The following ADARB1 variants were observed in gnomAD, a reference collection of about 807,000 sequenced individuals.
ADARB1 encodes adenosine deaminase RNA specific B1.
In ADARB1, 10 loss-of-function variants were observed where a neutral mutation model predicts 52.4. That is an observed-to-expected ratio of 0.19 (90% CI 0.12 to 0.32). The LOEUF (loss-of-function observed/expected upper bound fraction) is 0.32, where lower values mean the gene tolerates loss of function less well. Ranked by LOEUF, ADARB1 falls within the 10% of genes least tolerant of loss-of-function variation. ADARB1 has a pLI of 1.00. For missense variants in ADARB1, 643 were observed against 922.3 expected (o/e 0.70, Z 3.92); for synonymous variants, 349 against 371.1 (o/e 0.94, Z 0.68).
At chr21:45,106,900 A>G (rs2087284923) in intron 1 of ADARB1, among the ~76,000 whole-genome samples, 1 of 152,218 alleles carries the variant, frequency 6.6e-6, no homozygotes, top group Non-Finnish European at 1.5e-5. Flanking sequence ...TTCATTAGTC[A>G]ATATGGAGGA....
chr21:45,137,519 A>G (rs1432322850), intron 2 of ADARB1, among the ~76,000 whole-genome samples: 1 of 152,152 alleles, frequency 6.6e-6, no homozygotes, highest in Non-Finnish European at 1.5e-5. Flanking sequence ...TTAGTGACCA[A>G]CAGTCCCCTG....
chr21:45,154,792 G>A (rs972513122), intron 2 of ADARB1, among the ~76,000 whole-genome samples: 22 of 152,192 alleles, frequency 1.4e-4, no homozygotes, highest in Non-Finnish European at 2.9e-5. Context: ...AGCAGACACT[G>A]CCACCCTGGC....
intron 4 of ADARB1, among the ~76,000 whole-genome samples, chr21:45,178,544 C>T (rs1339054053): frequency 6.6e-6 from 1 of 152,188 alleles, no homozygotes; most frequent in Non-Finnish European, 1.5e-5. Flanking sequence ...ACCCGGGTGG[C>T]CCTCCCAGAA....
At chr21:45,111,145 A>G (rs539998309) in intron 1 of ADARB1, among the ~76,000 whole-genome samples, 25 of 152,298 alleles carry the variant, frequency 1.6e-4, no homozygotes, top group African/African-American at 6.0e-4. Context: ...AGGCCAGCAC[A>G]CGGAGCGCTG....
intron 1 of ADARB1, among the ~76,000 whole-genome samples, chr21:45,126,598 G>T (rs1311528075): frequency 6.6e-6 from 1 of 152,180 alleles, no homozygotes; most frequent in Non-Finnish European, 1.5e-5. Flanking sequence ...CCTGGAAGGG[G>T]CTGAGTCACT....
chr21:45,115,901 T>C (rs773444993), intron 1 of ADARB1, among the ~76,000 whole-genome samples: 10 of 152,208 alleles, frequency 6.6e-5, no homozygotes, highest in Non-Finnish European at 1.2e-4. Context: ...TAGGGATGCT[T>C]GCTCATCTTT....
chr21:45,212,044 A>G lies in ADARB1; in HGVS notation c.1747+7308A>G, dbSNP rs115655874. On this transcript the variant is annotated intron_variant, in intron 9 of 10. Transcript: ENST00000348831. ...TAAAATATAAAAAATATTTTGTACT[A>G]TTGGGATCTTATATTTTTTGTTAAT... is the stretch of plus-strand genomic sequence containing the variant. Among the ~76,000 whole-genome samples the G allele has an allele frequency of 8.0e-4, 101 of 126,094 alleles. 1 individual carries two copies. The highest frequency in any genetic ancestry group is 2.7e-3 in the African/African-American group (98 of 35,770). The allele number at this position is 126,094 out of a possible 152,430, so 82.7% of individuals were successfully genotyped here. A position where few individuals can be genotyped will look rare whatever the true frequency, so the allele number is the denominator to read the frequency against.
chr21:45,180,295 C>A, intron 4 of ADARB1, 35 bp from the exon 5 acceptor site: 1 of 1,498,386 alleles, frequency 6.7e-7, no homozygotes, highest in Non-Finnish European at 9.3e-7. Flanking sequence ...CCAGCTGCAT[C>A]TGGCCCCTAA....
At chr21:45,207,584 A>G (rs2092691439) in intron 9 of ADARB1, among the ~76,000 whole-genome samples, 1 of 152,232 alleles carries the variant, frequency 6.6e-6, no homozygotes, top group African/African-American at 2.4e-5. Flanking sequence ...AAAGCTCTCA[A>G]AACTTCATTA....
intron 2 of ADARB1, among the ~76,000 whole-genome samples, chr21:45,139,737 A>T (rs1199656120): frequency 6.6e-6 from 1 of 152,174 alleles, no homozygotes; most frequent in African/African-American, 2.4e-5. Flanking sequence ...TGCCTTTCTT[A>T]TGCTATCGCC....
chr21:45,201,649 G>A (rs142238846), intron 8 of ADARB1, among the ~76,000 whole-genome samples: 2 of 152,226 alleles, frequency 1.3e-5, no homozygotes, highest in African/African-American at 2.4e-5. Context: ...TCTTCTGTAT[G>A]TGCCAGGTAC....
At chr21:45,109,233 A>G (rs1351297547) in intron 1 of ADARB1, among the ~76,000 whole-genome samples, 2 of 141,408 alleles carry the variant, frequency 1.4e-5, no homozygotes, top group Non-Finnish European at 3.0e-5. Context: ...GCTTGTGTGT[A>G]TATGTGTGTG....
intron 8 of ADARB1, among the ~76,000 whole-genome samples, chr21:45,196,647 A>G (rs1601905850): frequency 6.6e-6 from 1 of 152,248 alleles, no homozygotes; most frequent in South Asian, 2.1e-4. Flanking sequence ...ACAAGGGGAA[A>G]ATAGTTTTTA....
At chr21:45,102,182 A>G (rs2087049081) in intron 1 of ADARB1, among the ~76,000 whole-genome samples, 1 of 152,226 alleles carries the variant, frequency 6.6e-6, no homozygotes, top group Non-Finnish European at 1.5e-5. Flanking sequence ...GTGAGCCACC[A>G]TGCCTGGCCA....
chr21:45,206,560 C>A (rs1263703558), intron 9 of ADARB1, among the ~76,000 whole-genome samples: 2 of 54,918 alleles, frequency 3.6e-5, no homozygotes. Flanking sequence ...CTTCTCTGGT[C>A]TTTTTTTTTT....
chr21:45,173,222 C>T (rs530094281), intron 3 of ADARB1, among the ~76,000 whole-genome samples: 1 of 152,326 alleles, frequency 6.6e-6, no homozygotes, highest in Admixed American at 6.5e-5. Context: ...AGTGCTAAAA[C>T]GTGGACATTC....
At chr21:45,097,573 G>A (rs1258506257) in intron 1 of ADARB1, among the ~76,000 whole-genome samples, 2 of 152,020 alleles carry the variant, frequency 1.3e-5, no homozygotes, top group Non-Finnish European at 2.9e-5. Context: ...AGGCAGGAGT[G>A]ATGGAGCATG....
intron 2 of ADARB1, among the ~76,000 whole-genome samples, chr21:45,132,933 A>G (rs186379504): frequency 9.8e-5 from 15 of 152,360 alleles, no homozygotes; most frequent in Admixed American, 2.6e-4. Flanking sequence ...AAAATACACC[A>G]TAAAAGAAAA....
At chr21:45,163,491 G>A (rs9680376) in intron 2 of ADARB1, among the ~76,000 whole-genome samples, 70,787 of 151,910 alleles carry the variant, frequency 0.47, 16,999 homozygotes, top group Middle Eastern at 0.54. Flanking sequence ...GGGAGTGAGC[G>A]GGGAGGGGCA....
Sources: gnomAD v4.1 joint callset for allele counts (sites outside exome capture counted in the v4.1 genomes callset) on GRCh38, gnomAD v4.1.1 for gene constraint, MANE v1.5 for transcripts, NCBI Gene and HGNC (gene_info 2026-07-23, HGNC 2026-07-21) for gene names.